Variants in TXLNB observed in about 807,000 individuals in gnomAD.
TXLNB encodes beta-taxilin.
A neutral mutation model predicts 57.4 loss-of-function variants in TXLNB; 37 were observed. The observed-to-expected ratio is 0.64, with a 90% CI of 0.50 to 0.85. The LOEUF is 0.85. Among genes scored for constraint, TXLNB ranks in the 40% least tolerant of loss-of-function variants. TXLNB has a pLI of 0.00. For missense variants in TXLNB, 848 were observed against 825.6 expected, an observed-to-expected ratio of 1.03 and a Z score of -0.33; for synonymous variants, 302 against 309.6, an observed-to-expected ratio of 0.98 and a Z score of 0.26.
chr6:139,293,258 A>C (rs1250828682), upstream of TXLNB, among the ~76,000 whole-genome samples: 1 of 152,020 alleles, frequency 6.6e-6, no homozygotes, highest in South Asian at 2.1e-4. Context: ...CATCCAGCTA[A>C]TTTTTGTATT....
At chr6:139,224,172 C>G in the TXLNB span, among the ~76,000 whole-genome samples, 2 of 150,910 alleles carry the variant, frequency 1.3e-5, no homozygotes, top group African/African-American at 4.9e-5. Context: ...TGGAAATCAT[C>G]ATTCTCGGTA....
the TXLNB span, among the ~76,000 whole-genome samples, chr6:139,186,133 A>G: frequency 6.6e-6 from 1 of 152,350 alleles, no homozygotes; most frequent in East Asian, 1.9e-4. Flanking sequence ...TTTGATATCC[A>G]TATGCAAAAA....
the TXLNB span, among the ~76,000 whole-genome samples, chr6:139,225,977 T>C: frequency 2.0e-5 from 3 of 152,054 alleles, no homozygotes; most frequent in East Asian, 5.8e-4. Flanking sequence ...GATAAACAAA[T>C]CAACTGAACA....
the TXLNB span, among the ~76,000 whole-genome samples, chr6:139,165,702 T>C: frequency 1.3e-5 from 2 of 152,278 alleles, no homozygotes; most frequent in Middle Eastern, 3.4e-3. Context: ...AGTTCCCATA[T>C]CCATGAATCA....
At chr6:139,231,704 C>T in the TXLNB span, among the ~76,000 whole-genome samples, 3 of 152,006 alleles carry the variant, frequency 2.0e-5, no homozygotes, top group Non-Finnish European at 4.4e-5. Flanking sequence ...CACCAAAATC[C>T]TTACATATCT....
the TXLNB span, among the ~76,000 whole-genome samples, chr6:139,201,405 T>A: frequency 1.3e-5 from 2 of 152,208 alleles, no homozygotes; most frequent in Non-Finnish European, 2.9e-5. Flanking sequence ...TAGGCCAGTG[T>A]TAGCTGGCAC....
intron 7 of TXLNB, among the ~76,000 whole-genome samples, chr6:139,249,491 C>T (rs1026140149): frequency 6.6e-6 from 1 of 152,128 alleles, no homozygotes; most frequent in Admixed American, 6.5e-5. Flanking sequence ...ACTGGATAGA[C>T]CAGGAAGGCT....
the TXLNB span, among the ~76,000 whole-genome samples, chr6:139,312,700 G>A: frequency 6.6e-6 from 1 of 152,064 alleles, no homozygotes; most frequent in African/African-American, 2.4e-5. Context: ...ATTATTTTAA[G>A]CTGATTATAT....
In TXLNB at chr6:139,270,499, T is replaced by A. The variant is rs1322170104; in HGVS notation, c.644A>T (p.Glu215Val). ...TCTCTGCAGCTCCCGGCACAGACTC[T>A]CCAATTTGCTTCGAGCGAGGATAGC... ...SRAILARSKLESLCRELQRHN... is the reference protein window; with the variant it reads ...SRAILARSKLVSLCRELQRHN... Residue 215 changes from glutamate (E) to valine (V), a missense_variant, in exon 4 of 10, where the codon GAG becomes GTG. By Grantham distance (121) the Glu-to-Val change is moderately radical. Coordinates refer to ENST00000358430, the MANE Select transcript of TXLNB (RefSeq NM_153235.4). 1.9e-6 allele frequency: 3 copies of A among 1,614,080 alleles called. No homozygotes were observed. The highest frequency in any genetic ancestry group is 8.5e-7 in the Non-Finnish European group (1 of 1,180,030).
Position 139,262,696 on chromosome 6 carries a change from C to T in TXLNB, c.765G>A (p.Thr255=), listed in dbSNP as rs747250278. Residue 255 remains threonine, a synonymous_variant, in exon 5 of 10, where the codon ACG becomes ACA. Transcript: ENST00000358430. The part of the protein sequence containing the change: ...EITSHFQSTL[T]DIQGQIEQQS... ...GCTGCTCGATCTGGCCCTGGATGTCCGTGAGGGTACTCTGGAAATGGCTTG... is the reference window on the plus strand; with the variant it reads ...GCTGCTCGATCTGGCCCTGGATGTCTGTGAGGGTACTCTGGAAATGGCTTG... 5 of 1,614,150 alleles carry T rather than the reference C, an allele frequency of 3.1e-6. No individual in the cohort carries two copies. The South Asian group carries it at 3.3e-5, about 11-fold the overall frequency.
the TXLNB span, among the ~76,000 whole-genome samples, chr6:139,216,047 A>G: frequency 3.3e-5 from 5 of 152,274 alleles, 1 homozygote; most frequent in South Asian, 1.0e-3. Flanking sequence ...TAGTTCAACC[A>G]TTGTGGAAGT....
the TXLNB span, among the ~76,000 whole-genome samples, chr6:139,306,953 C>A: frequency 6.6e-6 from 1 of 152,170 alleles, no homozygotes; most frequent in Non-Finnish European, 1.5e-5. Context: ...TAATTCTGTG[C>A]TTATGTAGTT....
chr6:139,200,067 G>A, the TXLNB span: 4 of 152,084 alleles, frequency 2.6e-5, no homozygotes, highest in South Asian at 2.1e-4. Context: ...TGATCAAGGC[G>A]GGCCCATTCC....
chr6:139,188,868 T>A, the TXLNB span, among the ~76,000 whole-genome samples: 1 of 152,122 alleles, frequency 6.6e-6, no homozygotes, highest in Non-Finnish European at 1.5e-5. Flanking sequence ...AATTCTCCTG[T>A]CTCAGCCTCC....
chr6:139,282,481 G>T lies in TXLNB; in HGVS notation c.425-5560C>A, dbSNP rs967503032. Among the ~76,000 whole-genome samples the T allele has an allele frequency of 3.4e-5, 5 of 145,188 alleles. No homozygotes were observed. The South Asian group carries it at 1.2e-3, about 34-fold the overall frequency. The stretch of plus-strand genomic sequence containing the variant: ...AATCCTAGCTACATGGGAGACTGAG[G>T]CAGTAGAATCGCTTGAACCTGGGAG... On this transcript the variant is annotated intron_variant, in intron 2 of 9. Transcript: ENST00000358430.
At chr6:139,270,884 G>T (rs1004210896) in intron 3 of TXLNB, among the ~76,000 whole-genome samples, 1 of 152,152 alleles carries the variant, frequency 6.6e-6, no homozygotes, top group African/African-American at 2.4e-5. Flanking sequence ...GGATGGTCTA[G>T]AAATATTTTT....
chr6:139,292,088 A>G (rs10457685), upstream of TXLNB: 12,085 of 133,888 alleles, frequency 0.09, 619 homozygotes, highest in Non-Finnish European at 0.11. This position sits in a 1 kb window ranked among gnomAD's most constrained non-coding sequence, Gnocchi z 4.0. Context: ...ACGCGCGCGC[A>G]CACACACACA....
chr6:139,320,268 A>G, the TXLNB span, among the ~76,000 whole-genome samples: 1 of 152,170 alleles, frequency 6.6e-6, no homozygotes, highest in East Asian at 1.9e-4. Context: ...GGAGTAGACA[A>G]TTACATTATA....
At chr6:139,226,804 G>T in the TXLNB span, among the ~76,000 whole-genome samples, 42 of 152,144 alleles carry the variant, frequency 2.8e-4, no homozygotes, top group African/African-American at 1.0e-3. Flanking sequence ...GAGGCAGGCA[G>T]ATCACTTAAG....
Sources: gnomAD v4.1 joint callset for allele counts (sites outside exome capture counted in the v4.1 genomes callset) on GRCh38, gnomAD v4.1.1 for gene constraint, Gnocchi (gnomAD v3.1) non-coding constraint, MANE v1.5 for transcripts, NCBI Gene and HGNC (gene_info 2026-07-23, HGNC 2026-07-21) for gene names.